POM121C: variants seen among roughly 807,000 people sequenced by gnomAD.
POM121C encodes nuclear envelope pore membrane protein POM 121C.
A neutral mutation model predicts 66.4 loss-of-function variants in POM121C; 20 were observed. The ratio of observed to expected loss-of-function variants is 0.30; its 90% CI spans 0.21 to 0.44. The LOEUF is 0.44. POM121C is among the 20% of genes least tolerant of loss of function. The pLI is 1.00. For missense variants in POM121C, 580 were observed against 1,225.7 expected (o/e 0.47, Z 7.87); for synonymous variants, 286 against 528.0 (o/e 0.54, Z 6.28).
Position 75,474,890 on chromosome 7 carries a change from A to T in POM121C, c.-330-8T>A. 5.5e-6 allele frequency: 6 copies of T among 1,091,458 alleles called. No homozygotes were observed. The South Asian group carries it at 8.4e-5, about 15-fold the overall frequency. 67.6% of individuals were successfully genotyped at this position (1,091,458 alleles called of 1,614,324 possible). A position where few individuals can be genotyped will look rare whatever the true frequency, so the allele number is the denominator to read the frequency against. On this transcript the variant is annotated splice_region_variant and splice_polypyrimidine_tract_variant and intron_variant, in intron 2 of 14. Coordinates refer to ENST00000615331, the MANE Select transcript of POM121C (RefSeq NM_001099415.3). ...ATGTTGCCACCTCATAAGCTGCATA[A>T]CAGAAATGCTCCATTTTTTACCTTA...
chr7:75,442,783 A>C, intron 3 of POM121C: 3 of 1,277,612 alleles, frequency 2.3e-6, no homozygotes, highest in Non-Finnish European at 3.0e-6. Flanking sequence ...GCGTCGCGTC[A>C]TCGCGCGCCC....
intron 3 of POM121C, among the ~76,000 whole-genome samples, chr7:75,460,313 C>T (rs587683879): frequency 6.7e-6 from 1 of 149,030 alleles, no homozygotes; most frequent in African/African-American, 2.6e-5. Flanking sequence ...GGCATGATAG[C>T]GAGACCCCAT....
intron 7 of POM121C, among the ~76,000 whole-genome samples, chr7:75,428,106 G>A (rs1400971749): frequency 3.3e-5 from 5 of 151,360 alleles, no homozygotes; most frequent in African/African-American, 9.7e-5. Context: ...ACACTACCTC[G>A]CTGGTTCTCA....
intron 7 of POM121C, among the ~76,000 whole-genome samples, chr7:75,429,978 C>T (rs1790102098): frequency 1.3e-5 from 2 of 152,188 alleles, no homozygotes; most frequent in Admixed American, 6.5e-5. Context: ...GCACTCCAGC[C>T]TGGGCCACAG....
At position 75,422,015 on chromosome 7, in the gene POM121C, G is replaced by A; in HGVS notation, c.2237C>T (p.Pro746Leu). Reference protein sequence around the residue: ...AAPAPATAPTPAPASTIKIVP... With the variant: ...AAPAPATAPTLAPASTIKIVP... ...GATCTTGATCGTGGACGCAGGTGCA[G>A]GTGTGGGTGCAGTAGCCGGGGCCGG... Residue 746 changes from proline (P) to leucine (L), a missense_variant, in exon 13 of 15, where the codon CCT (proline) becomes CTT (leucine). Coordinates refer to ENST00000615331, the MANE Select transcript of POM121C (RefSeq NM_001099415.3). 6.2e-7 allele frequency: 1 copy of A among 1,613,766 alleles called. No homozygotes were observed. Among genetic ancestry groups the A allele is most frequent in the Non-Finnish European group, 8.5e-7 (1 of 1,179,768 alleles).
chr7:75,436,503 T>C (rs34330518), intron 7 of POM121C, among the ~76,000 whole-genome samples: 19,544 of 152,172 alleles, frequency 0.13, 1,476 homozygotes, highest in Middle Eastern at 0.25. Flanking sequence ...TTAAGAGGGG[T>C]AATGGTATTA....
chr7:75,486,051 C>T lies in POM121C; in HGVS notation c.-645G>A. 1 of 443,654 alleles carries T rather than the reference C, an allele frequency of 2.3e-6. No individual in the cohort carries two copies. The highest frequency in any genetic ancestry group is 4.5e-6 in the Non-Finnish European group (1 of 224,504). The allele number at this position is 443,654 out of a possible 1,614,324, so 27.5% of individuals were successfully genotyped here. A position where few individuals can be genotyped will look rare whatever the true frequency, so the allele number is the denominator to read the frequency against. ...GGGTGTCCTTCTCGGGGCCCAGATC[C>T]GCCTCCCTGGGGCTCCCGGCCCCTC... On this transcript the variant is annotated 5_prime_UTR_variant, in exon 1 of 15. Transcript: ENST00000615331.
chr7:75,447,007 CAAAAAAAAAAAAA>C (rs60389539), intron 3 of POM121C, among the ~76,000 whole-genome samples: 11 of 53,532 alleles, frequency 2.1e-4, no homozygotes, highest in South Asian at 1.1e-3. Flanking sequence ...GACTCCGTCT[CAAAAAAAAAAAAA>C]AAAAAAAAAA....
At chr7:75,461,489 T>C (rs1260220215) in intron 3 of POM121C, among the ~76,000 whole-genome samples, 2 of 152,092 alleles carry the variant, frequency 1.3e-5, no homozygotes, top group Non-Finnish European at 2.9e-5. Context: ...GCAATCGGCT[T>C]ACTGCAACCT....
chr7:75,418,400 T>C lies in POM121C; in HGVS notation c.*396A>G. The C allele has an allele frequency of 2.0e-6, 2 of 1,011,174 alleles. No homozygotes were observed. The highest frequency in any genetic ancestry group is 2.4e-6 in the Non-Finnish European group (2 of 846,864). The allele number at this position is 1,011,174 out of a possible 1,614,324, so 62.6% of individuals were successfully genotyped here. A position where few individuals can be genotyped will look rare whatever the true frequency, so the allele number is the denominator to read the frequency against. On this transcript the variant is annotated 3_prime_UTR_variant, in exon 15 of 15. Coordinates refer to ENST00000615331, the MANE Select transcript of POM121C (RefSeq NM_001099415.3). ...AACCCATTTCCCAAATCCCATCAGGTGCACACCACCGATCCAGGCGGGCTG... is the reference window on the plus strand; with the variant it reads ...AACCCATTTCCCAAATCCCATCAGGCGCACACCACCGATCCAGGCGGGCTG...
At position 75,417,265 on chromosome 7, in the gene POM121C, G is replaced by C. The variant is rs1275767655; in HGVS notation, c.*1531C>G. 1.1e-6 allele frequency: 1 copy of C among 886,644 alleles called. No homozygotes were observed. The allele number at this position is 886,644 out of a possible 1,614,324, so 54.9% of individuals were successfully genotyped here. On this transcript the variant is annotated 3_prime_UTR_variant, in exon 15 of 15. Coordinates refer to ENST00000615331, the MANE Select transcript of POM121C (RefSeq NM_001099415.3). ...TATAACATGGCCAGAAGGAGCTCTAGTCCCCCAGGAAAGCTGCCGGGGACA... is the reference window on the plus strand; with the variant it reads ...TATAACATGGCCAGAAGGAGCTCTACTCCCCCAGGAAAGCTGCCGGGGACA...
Position 75,462,758 on chromosome 7 carries a change from C to T in POM121C, c.-152+11946G>A, listed in dbSNP as rs587668345. Among the ~76,000 whole-genome samples the T allele has an allele frequency of 2.5e-3, 383 of 151,910 alleles. 2 individuals are homozygous for T. The highest frequency in any genetic ancestry group is 6.4e-3 in the South Asian group (31 of 4,810). The stretch of plus-strand genomic sequence containing the variant: ...CCTTGAAAACACTGTAAATCAAATG[C>T]ATACCCTGCTGATGCCTAGGCAAAA... On this transcript the variant is annotated intron_variant, in intron 3 of 14. Coordinates refer to ENST00000615331, the MANE Select transcript of POM121C (RefSeq NM_001099415.3).
rs1554471419 is a variant in POM121C at position 75,424,528 on chromosome 7, C to T, written c.869G>A (p.Ser290Asn). The T allele has an allele frequency of 6.2e-7, 1 of 1,613,862 alleles. No homozygotes were observed. The highest frequency in any genetic ancestry group is 1.1e-5 in the South Asian group (1 of 91,074). Residue 290 changes from serine to asparagine, a missense_variant and splice_region_variant, in exon 11 of 15, where the codon AGT (serine) becomes AAT (asparagine). Coordinates refer to ENST00000615331, the MANE Select transcript of POM121C (RefSeq NM_001099415.3). ...GTGCAACGATCTGTGCTCCTTACCA[C>T]TCTTGTCCTCCAAGGCCTGGTTGAA... ...QWFNQALEDKSDAASNSVTET... is the reference protein window; with the variant it reads ...QWFNQALEDKNDAASNSVTET...
intron 7 of POM121C, among the ~76,000 whole-genome samples, chr7:75,432,533 AAGG>A: frequency 6.6e-6 from 1 of 152,336 alleles, no homozygotes; most frequent in East Asian, 1.9e-4. Flanking sequence ...ATAAGAAGGA[AAGG>A]AGAAGCATGA....
intron 3 of POM121C, among the ~76,000 whole-genome samples, chr7:75,444,202 T>C (rs587627486): frequency 1.2e-4 from 15 of 124,200 alleles, no homozygotes; most frequent in Middle Eastern, 5.4e-3. Context: ...AGTGCCAAAG[T>C]AATTCTTCTA....
intron 3 of POM121C, among the ~76,000 whole-genome samples, chr7:75,443,137 CTACTT>C (rs1289887547): frequency 9.2e-5 from 14 of 152,198 alleles, no homozygotes; most frequent in Non-Finnish European, 1.9e-4. Context: ...ACTTCCATTT[CTACTT>C]TACAAGTTGA....
intron 3 of POM121C, among the ~76,000 whole-genome samples, chr7:75,448,540 AC>A (rs1401531153): frequency 2.9e-5 from 4 of 139,978 alleles, no homozygotes; most frequent in Non-Finnish European, 4.6e-5. Context: ...AGTGGTTCAC[AC>A]CTATAATCCC....
rs781783958 is a variant in POM121C, at chr7:75,424,102, A to G, written c.995T>C (p.Leu332Pro). 3.7e-6 allele frequency: 6 copies of G among 1,611,596 alleles called. No homozygotes were observed. The highest frequency in any genetic ancestry group is 2.2e-5 in the East Asian group (1 of 44,874). ...CTGCATCTTCTTCAAGCTCTCTAAC[A>G]GTGGGTTGGTGCTTGGGGCCAGGAG... The part of the protein sequence containing the change: ...TSLLAPSTNP[L>P]LESLKKMQTP... The change falls in exon 12 of 15, where the codon CTG (leucine) becomes CCG (proline). Residue 332 changes from leucine (L) to proline (P), a missense_variant. By Grantham distance (98) the Leu-to-Pro change is moderately conservative. Transcript: ENST00000615331.
At chr7:75,421,292 T>G (rs1176171357) in intron 13 of POM121C, 6 of 1,301,286 alleles carry the variant, frequency 4.6e-6, no homozygotes, top group African/African-American at 3.2e-5. Flanking sequence ...TTACAATTGT[T>G]AAGTACTCAG....
Sources: allele counts gnomAD v4.1 joint callset (sites outside exome capture counted in the v4.1 genomes callset), GRCh38; gene constraint gnomAD v4.1.1; transcripts MANE v1.5; gene names NCBI Gene and HGNC (gene_info 2026-07-23, HGNC 2026-07-21).